The following PLEKHS1 variants were observed in gnomAD, a reference collection of about 807,000 sequenced individuals.
The protein encoded by PLEKHS1 is pleckstrin homology domain containing S1.
PLEKHS1 carries 55 observed loss-of-function variants against 51.0 expected under a neutral mutation model. The ratio of observed to expected loss-of-function variants is 1.08; its 90% CI spans 0.87 to 1.35. The LOEUF (loss-of-function observed/expected upper bound fraction) is 1.35, where lower values mean the gene tolerates loss of function less well. PLEKHS1 is among the 40% of genes most tolerant of loss of function. PLEKHS1 has a pLI of 0.00. For missense variants in PLEKHS1, 398 were observed against 423.0 expected, an observed-to-expected ratio of 0.94 and a Z score of 0.52; for synonymous variants, 153 against 144.8, an observed-to-expected ratio of 1.06 and a Z score of -0.41.
chr10:113,765,752 G>A (rs1250567734), intron 2 of PLEKHS1, among the ~76,000 whole-genome samples: 1 of 152,094 alleles, frequency 6.6e-6, no homozygotes, highest in Non-Finnish European at 1.5e-5. Context: ...TTCATTTTGG[G>A]TTTGTTTTTG....
chr10:113,762,979 T>A (rs1358561458), intron 2 of PLEKHS1, among the ~76,000 whole-genome samples: 1 of 152,086 alleles, frequency 6.6e-6, no homozygotes, highest in Admixed American at 6.5e-5. Context: ...ACATTAAAAA[T>A]GCATCCAAAA....
intron 8 of PLEKHS1, among the ~76,000 whole-genome samples, chr10:113,772,532 T>C (rs11196479): frequency 0.14 from 21,590 of 152,108 alleles, 1,866 homozygotes; most frequent in Middle Eastern, 0.2. Context: ...TAGGAAGCCC[T>C]TACTGAATGC....
Position 113,771,949 on chromosome 10 carries a change from AT to A in PLEKHS1, c.553-16del. 1 of 1,593,576 alleles carries A rather than the reference AT, an allele frequency of 6.3e-7. No homozygotes were observed. Among genetic ancestry groups the A allele is most frequent in the Non-Finnish European group, 8.5e-7 (1 of 1,174,652 alleles). On this transcript the variant is annotated intron_variant, in intron 7 of 11. Transcript: ENST00000361048. ...ATCTCTTGCAAAGAAAAAGCAAAGC[AT>A]TTTTATCTCTTTTCTTCAGCATTTA...
intron 11 of PLEKHS1, 119 bp from the exon 13 acceptor site, chr10:113,780,483 G>A: frequency 1.1e-6 from 1 of 932,172 alleles, no homozygotes; most frequent in Non-Finnish European, 1.7e-6. Context: ...AGATATTACA[G>A]TTCACTGCAG....
chr10:113,777,529 A>G, intron 11 of PLEKHS1: 5 of 1,555,314 alleles, frequency 3.2e-6, no homozygotes, highest in Non-Finnish European at 2.6e-6. Flanking sequence ...CTTGCATGGA[A>G]TCAGACTGGT....
At chr10:113,777,734 T>G (rs1244706479) in intron 11 of PLEKHS1, 5 of 1,478,680 alleles carry the variant, frequency 3.4e-6, no homozygotes, top group African/African-American at 1.4e-5. Context: ...CAACTGACCA[T>G]GGAATGTTAT....
intron 10 of PLEKHS1, among the ~76,000 whole-genome samples, chr10:113,775,535 C>T (rs974494130): frequency 1.3e-5 from 2 of 152,210 alleles, no homozygotes; most frequent in African/African-American, 4.8e-5. Flanking sequence ...TGGACAGTTA[C>T]ATAACCAATT....
At chr10:113,776,525 T>A (rs1223370804) in intron 11 of PLEKHS1, among the ~76,000 whole-genome samples, 1 of 152,202 alleles carries the variant, frequency 6.6e-6, no homozygotes, top group East Asian at 1.9e-4. Context: ...TCCATTTTTT[T>A]AAATAGTCCA....
intron 6 of PLEKHS1, 54 bp downstream of exon 6, chr10:113,768,944 A>G: frequency 7.4e-7 from 1 of 1,343,076 alleles, no homozygotes; most frequent in Non-Finnish European, 1.0e-6. Context: ...ACCCTCTTTC[A>G]ATAGAAAACA....
intron 8 of PLEKHS1, among the ~76,000 whole-genome samples, chr10:113,772,412 TG>T (rs1201638787): frequency 3.9e-5 from 6 of 152,092 alleles, no homozygotes; most frequent in Non-Finnish European, 8.8e-5. Context: ...AATTTGGATG[TG>T]GGGGATTGCC....
intron 11 of PLEKHS1, among the ~76,000 whole-genome samples, chr10:113,780,063 G>A (rs1007503992): frequency 6.6e-6 from 1 of 152,022 alleles, no homozygotes; most frequent in Non-Finnish European, 1.5e-5. Flanking sequence ...GTTTTAAAGT[G>A]CCTGAGCCAA....
intron 8 of PLEKHS1, among the ~76,000 whole-genome samples, chr10:113,772,898 T>C (rs1453125143): frequency 1.3e-5 from 2 of 152,210 alleles, no homozygotes; most frequent in Non-Finnish European, 2.9e-5. Context: ...GGGGAAGCGA[T>C]GGCTTCTGAG....
chr10:113,762,029 T>C (rs1843953176), intron 2 of PLEKHS1, among the ~76,000 whole-genome samples: 1 of 152,090 alleles, frequency 6.6e-6, no homozygotes, highest in South Asian at 2.1e-4. Context: ...CTATTTCTTC[T>C]TCAGTGACCT....
chr10:113,767,764 C>T (rs1593026764), intron 5 of PLEKHS1, among the ~76,000 whole-genome samples: 1 of 152,080 alleles, frequency 6.6e-6, no homozygotes, highest in African/African-American at 2.4e-5. Context: ...TGGGTAGAGC[C>T]ATGCTCTCTC....
intron 11 of PLEKHS1, among the ~76,000 whole-genome samples, chr10:113,776,295 A>C (rs931140815): frequency 2.0e-5 from 3 of 152,224 alleles, no homozygotes; most frequent in African/African-American, 4.8e-5. Flanking sequence ...TTAAAAAAAA[A>C]CAAAAAACAA....
intron 11 of PLEKHS1, 91 bp from the exon 12 acceptor site, chr10:113,777,033 C>T: frequency 1.4e-6 from 2 of 1,461,756 alleles, no homozygotes; most frequent in South Asian, 1.3e-5. Flanking sequence ...GAGGTGGTGC[C>T]ACGTGACCTA....
intron 3 of PLEKHS1, 30 bp downstream of exon 3, chr10:113,766,529 C>CCCA: frequency 6.3e-7 from 1 of 1,578,058 alleles, no homozygotes; most frequent in Non-Finnish European, 8.7e-7. Flanking sequence ...TAACAAGCCT[C>CCCA]CCACCAGCCT....
rs532570029 is a variant in PLEKHS1 at position 113,758,576 on chromosome 10, C to T, written c.28+3271C>T. Among the ~76,000 whole-genome samples the T allele has an allele frequency of 3.9e-5, 6 of 152,144 alleles. No individual in the cohort carries two copies. In the East Asian group the frequency reaches 1.2e-3, roughly 29 times the overall value. On this transcript the variant is annotated intron_variant, in intron 2 of 11. Coordinates refer to ENST00000361048, the Ensembl canonical transcript of PLEKHS1. ...GTAGATTTAGTATAATTCTTAAGGG[C>T]CTTAGGATTTTCTAGCTTTTAATTG...
intron 2 of PLEKHS1, among the ~76,000 whole-genome samples, chr10:113,757,455 G>A (rs1007887638): frequency 2.6e-5 from 4 of 152,164 alleles, no homozygotes; most frequent in African/African-American, 9.7e-5. Context: ...GTAGTCGAGT[G>A]TGTAATAGCA....
Sources: allele counts gnomAD v4.1 joint callset (sites outside exome capture counted in the v4.1 genomes callset), GRCh38; gene constraint gnomAD v4.1.1; transcripts MANE v1.5; gene names NCBI Gene and HGNC (gene_info 2026-07-23, HGNC 2026-07-21).